POGLUT2: variants seen among roughly 807,000 people sequenced by gnomAD.
POGLUT2 encodes the protein protein O-glucosyltransferase 2.
In POGLUT2, 47 loss-of-function variants were observed where a neutral mutation model predicts 57.6. The observed-to-expected ratio is 0.82, with a 90% CI of 0.65 to 1.04. The LOEUF is 1.04. POGLUT2 is among the 50% of genes least tolerant of loss of function. The probability of loss-of-function intolerance (pLI) is 0.00; values close to 1 mark genes in which losing one functional copy is unlikely to be tolerated. For missense variants in POGLUT2, 565 were observed against 614.8 expected, an observed-to-expected ratio of 0.92 and a Z score of 0.86; for synonymous variants, 200 against 218.8, an observed-to-expected ratio of 0.91 and a Z score of 0.76.
intron 8 of POGLUT2, 131 bp from the exon 9 acceptor site, chr13:102,786,470 C>A: frequency 1.5e-6 from 1 of 652,956 alleles, no homozygotes; most frequent in African/African-American, 1.8e-5. Context: ...CATAGTCCGT[C>A]ATATATACCA....
rs1021299683 is a variant in POGLUT2 at position 102,798,823 on chromosome 13, G to C, written c.-153C>G. ...CGCCCGGCGTGCAGGGCAGGCGCGC[G>C]GGTCTCCGCGACCCCAGGACAATCA... is the stretch of plus-strand genomic sequence containing the variant. On this transcript the variant is annotated 5_prime_UTR_variant, in exon 1 of 10. Transcript: ENST00000376004. 1.8e-5 allele frequency: 13 copies of C among 715,096 alleles called. No homozygotes were observed. Among genetic ancestry groups the C allele is most frequent in the Non-Finnish European group, 2.8e-5 (13 of 460,706 alleles). The allele number at this position is 715,096 out of a possible 1,614,324, so 44.3% of individuals were successfully genotyped here. A position where few individuals can be genotyped will look rare whatever the true frequency, so the allele number is the denominator to read the frequency against.
At position 102,798,573 on chromosome 13, in the gene POGLUT2, T is replaced by C; in HGVS notation, c.98A>G (p.Glu33Gly). 1 of 1,613,708 alleles carries C rather than the reference T, an allele frequency of 6.2e-7. No homozygotes were observed. Among genetic ancestry groups the C allele is most frequent in the Non-Finnish European group, 8.5e-7 (1 of 1,179,808 alleles). Residue 33 changes from glutamate (E) to glycine (G), a missense_variant, in exon 1 of 10, where the codon GAA becomes GGA. Physicochemically the swap from Glu to Gly is moderately conservative, Grantham distance 98. Transcript: ENST00000376004. The stretch of plus-strand genomic sequence containing the variant: ...TGCTTTTAGCCCGGGTCCCCATATT[T>C]CGCTCTTCTCCGGGCTCAGCTGCCT... The part of the protein sequence containing the change: ...GERQLSPEKS[E>G]IWGPGLKADV...
rs1372470621 is a variant in POGLUT2, at chr13:102,793,630, G to A, written c.565C>T (p.Leu189=). The part of the protein sequence containing the change: ...IPKRFGQRQS[L]CHYTLKDNKV... Reference sequence around the variant, plus strand: ...TTATCCTTTAAGGTGTAGTGACATAGGCTCTGCCTCTGTCCAAATCTTTTT... The same window carrying A: ...TTATCCTTTAAGGTGTAGTGACATAAGCTCTGCCTCTGTCCAAATCTTTTT... Residue 189 remains leucine, a synonymous_variant, in exon 3 of 10, where the codon CTA becomes TTA. Coordinates refer to ENST00000376004, the MANE Select transcript of POGLUT2 (RefSeq NM_024089.3). 3 of 1,613,868 alleles carry A rather than the reference G, an allele frequency of 1.9e-6. No homozygotes were observed. The highest frequency in any genetic ancestry group is 2.5e-6 in the Non-Finnish European group (3 of 1,179,950).
rs751311173 is a variant in POGLUT2, at chr13:102,791,004, G to A, written c.980C>T (p.Pro327Leu). Reference protein sequence around the residue: ...LELVKLSRKHPELIDAAFTNF... With the variant: ...LELVKLSRKHLELIDAAFTNF... ...GGTGAAAGCAGCGTCTATGAGTTCT[G>A]GGTGTTTTCTACTGAGTTTAACCAG... Residue 327 changes from proline to leucine, a missense_variant, in exon 6 of 10, where the codon CCA (proline) becomes CTA (leucine). Physicochemically the swap from Pro to Leu is moderately conservative, Grantham distance 98. Coordinates refer to ENST00000376004, the MANE Select transcript of POGLUT2 (RefSeq NM_024089.3). 3.7e-6 allele frequency: 6 copies of A among 1,614,042 alleles called. No homozygotes were observed. Among genetic ancestry groups the A allele is most frequent in the Non-Finnish European group, 5.1e-6 (6 of 1,179,896 alleles).
chr13:102,793,315 A>T, intron 4 of POGLUT2, 26 bp downstream of exon 4: 1 of 1,241,102 alleles, frequency 8.1e-7, no homozygotes, highest in Non-Finnish European at 1.2e-6. Flanking sequence ...ATTATCTATT[A>T]CAGCTAAGAG....
chr13:102,798,578 C>T lies in POGLUT2; in HGVS notation c.93G>A (p.Lys31=). Residue 31 remains lysine, a synonymous_variant, in exon 1 of 10, where the codon AAG becomes AAA. Coordinates refer to ENST00000376004, the MANE Select transcript of POGLUT2 (RefSeq NM_024089.3). ...TGGERQLSPE[K]SEIWGPGLKA... is the part of the protein sequence containing the mutation. ...TTAGCCCGGGTCCCCATATTTCGCT[C>T]TTCTCCGGGCTCAGCTGCCTTTCTC... 6.2e-7 allele frequency: 1 copy of T among 1,613,862 alleles called. No homozygotes were observed. Among genetic ancestry groups the T allele is most frequent in the Non-Finnish European group, 8.5e-7 (1 of 1,179,860 alleles).
rs1877936434 is a variant in POGLUT2 at position 102,786,280 on chromosome 13, T to A, written c.1443A>T (p.Glu481Asp). Residue 481 changes from glutamate to aspartate, a missense_variant, in exon 9 of 10, where the codon GAA becomes GAT. Transcript: ENST00000376004. ...GGAAGAGGTCGTCCTCAGTCTGTGG[T>A]TCTACCCTTTTCATGCCCTCTCGGA... ...PQIREGMKRV[E>D]PQTEDDLFPC... The A allele has an allele frequency of 1.9e-6, 3 of 1,614,004 alleles. No homozygotes were observed. The highest frequency in any genetic ancestry group is 3.3e-5 in the Admixed American group (2 of 60,010).
chr13:102,791,020 G>A lies in POGLUT2; in HGVS notation c.964C>T (p.Leu322Phe). Residue 322 changes from leucine to phenylalanine, a missense_variant, in exon 6 of 10, where the codon CTC becomes TTC. Transcript: ENST00000376004. The part of the protein sequence containing the change: ...SRKERLELVK[L>F]SRKHPELIDA... ...ATGAGTTCTGGGTGTTTTCTACTGA[G>A]TTTAACCAGCTCGAGTCTCTCTTTG... 8.1e-6 allele frequency: 13 copies of A among 1,614,144 alleles called. No individual in the cohort carries two copies. The highest frequency in any genetic ancestry group is 1.1e-5 in the Non-Finnish European group (13 of 1,179,988).
At chr13:102,794,227 G>A (rs558742664) in intron 2 of POGLUT2, among the ~76,000 whole-genome samples, 16 of 152,000 alleles carry the variant, frequency 1.1e-4, no homozygotes, top group Admixed American at 3.3e-4. Flanking sequence ...GTGAGAGCCC[G>A]TTTCAAAGAA....
chr13:102,798,428 T>TAA, intron 1 of POGLUT2, 61 bp downstream of exon 1: 6 of 1,451,154 alleles, frequency 4.1e-6, no homozygotes, highest in Non-Finnish European at 4.6e-6. Context: ...AGAAAAATCT[T>TAA]AAAGGGAGAA....
Position 102,793,543 on chromosome 13 carries a change from T to C in POGLUT2, c.594+58A>G, listed in dbSNP as rs1400425015. 3.4e-6 allele frequency: 5 copies of C among 1,482,912 alleles called. No homozygotes were observed. The Admixed American group carries it at 6.8e-5, about 20-fold the overall frequency. 91.9% of individuals were successfully genotyped at this position (1,482,912 alleles called of 1,614,324 possible). A position where few individuals can be genotyped will look rare whatever the true frequency, so the allele number is the denominator to read the frequency against. On this transcript the variant is annotated intron_variant, in intron 3 of 9. Coordinates refer to ENST00000376004, the MANE Select transcript of POGLUT2 (RefSeq NM_024089.3). Reference sequence around the variant, plus strand: ...AATGATTTAGCTAATTGTAGCCAAATGTTCAAAACAAGAAAAAAAATCACT... The same window carrying C: ...AATGATTTAGCTAATTGTAGCCAAACGTTCAAAACAAGAAAAAAAATCACT...
chr13:102,796,091 T>A (rs1420132345), intron 2 of POGLUT2, among the ~76,000 whole-genome samples: 1 of 151,710 alleles, frequency 6.6e-6, no homozygotes, highest in Non-Finnish European at 1.5e-5. Context: ...GGTCAAGAGA[T>A]CGAAACCATC....
intron 4 of POGLUT2, 108 bp downstream of exon 4, chr13:102,793,233 G>A (rs1878252004): frequency 1.5e-6 from 1 of 662,096 alleles, no homozygotes; most frequent in South Asian, 1.9e-5. Flanking sequence ...TTATCATAAG[G>A]CTCCAGAAGA....
At chr13:102,786,442 G>T (rs1395800501) in intron 8 of POGLUT2, 103 bp from the exon 9 acceptor site, 4 of 776,824 alleles carry the variant, frequency 5.1e-6, no homozygotes, top group Admixed American at 1.9e-5. Flanking sequence ...TAACTCATGT[G>T]TGTCAAACTG....
At chr13:102,795,178 G>A (rs1309470547) in intron 2 of POGLUT2, among the ~76,000 whole-genome samples, 1 of 150,112 alleles carries the variant, frequency 6.7e-6, no homozygotes, top group African/African-American at 2.5e-5. Context: ...CTTGAACCCG[G>A]GAGGCAGAGC....
intron 2 of POGLUT2, among the ~76,000 whole-genome samples, chr13:102,795,391 T>C (rs1414342979): frequency 1.3e-5 from 2 of 151,638 alleles, no homozygotes; most frequent in African/African-American, 4.8e-5. Context: ...GGCAAAACCC[T>C]GTTTCTACAA....
chr13:102,791,921 T>C, intron 4 of POGLUT2: 1 of 1,065,416 alleles, frequency 9.4e-7, no homozygotes, highest in African/African-American at 1.6e-5. Flanking sequence ...ATATGTTTTA[T>C]CTAGTCACAG....
At chr13:102,793,444 T>C (rs1397558628) in intron 3 of POGLUT2, 26 bp from the exon 4 acceptor site, 2 of 1,475,732 alleles carry the variant, frequency 1.4e-6, no homozygotes, top group East Asian at 2.3e-5. Context: ...CCATTTATTA[T>C]GTTAGTCTAA....
At position 102,793,410 on chromosome 13, in the gene POGLUT2, G is replaced by C. The variant is rs375828252; in HGVS notation, c.603C>G (p.Ile201Met). 36 of 1,583,910 alleles carry C rather than the reference G, an allele frequency of 2.3e-5. No homozygotes were observed. Among genetic ancestry groups the C allele is most frequent in the African/African-American group, 4.0e-5 (3 of 74,148 alleles). Residue 201 changes from isoleucine to methionine, a missense_variant, in exon 4 of 10, where the codon ATC becomes ATG. Transcript: ENST00000376004. The part of the protein sequence containing the change: ...HYTLKDNKVY[I>M]KTHGEHVGFR... ...AACCTACATGTTCACCATGAGTCTT[G>C]ATATAAACCTAAAAGAGAATTTACC...
Sources: gnomAD v4.1 joint callset for allele counts (sites outside exome capture counted in the v4.1 genomes callset) on GRCh38, gnomAD v4.1.1 for gene constraint, MANE v1.5 for transcripts, NCBI Gene and HGNC (gene_info 2026-07-23, HGNC 2026-07-21) for gene names.